PCDH9: variants seen among roughly 807,000 people sequenced by gnomAD.
PCDH9 encodes protocadherin-9.
A neutral mutation model predicts 70.6 loss-of-function variants in PCDH9; 24 were observed. The observed-to-expected ratio is 0.34, with a 90% CI of 0.25 to 0.48. The LOEUF is 0.48. Ranked by LOEUF, PCDH9 falls within the 20% of genes least tolerant of loss-of-function variation. PCDH9 has a pLI of 0.99. For synonymous variants in PCDH9, 562 were observed against 558.5 expected (o/e 1.01, Z -0.09); for missense variants, 1,281 against 1,503.6 (o/e 0.85, Z 2.45).
Position 66,425,840 on chromosome 13 carries a change from A to G in PCDH9, c.3341-120812T>C, listed in dbSNP as rs578114713. Among the ~76,000 whole-genome samples, 7 of 151,832 alleles carry G rather than the reference A, an allele frequency of 4.6e-5. No homozygotes were observed. The South Asian group carries it at 1.4e-3, about 31-fold the overall frequency. On this transcript the variant is annotated intron_variant, in intron 4 of 4. Coordinates refer to ENST00000377865, the MANE Select transcript of PCDH9 (RefSeq NM_203487.3). ...GTCAGTGGTTTACCAGATTGGGGAC[A>G]AACTGTCCTGAGAAAAGTCTAGTAA...
At chr13:66,616,659 G>A (rs570347367) in intron 4 of PCDH9, among the ~76,000 whole-genome samples, 1 of 152,044 alleles carries the variant, frequency 6.6e-6, no homozygotes, top group South Asian at 2.1e-4. Flanking sequence ...GGAATAAATA[G>A]GATGACTATC....
chr13:66,346,214 G>A (rs1457494353), intron 4 of PCDH9, among the ~76,000 whole-genome samples: 1 of 151,934 alleles, frequency 6.6e-6, no homozygotes, highest in African/African-American at 2.4e-5. Context: ...CTTGAAGTAG[G>A]AACAAAACAA....
intron 4 of PCDH9, among the ~76,000 whole-genome samples, chr13:66,582,950 A>G (rs182144268): frequency 6.6e-6 from 1 of 152,230 alleles, no homozygotes; most frequent in East Asian, 1.9e-4. Flanking sequence ...CCACCCAAAC[A>G]CATGATTATC....
intron 2 of PCDH9, among the ~76,000 whole-genome samples, chr13:66,928,213 A>T (rs1487357877): frequency 6.6e-6 from 1 of 152,050 alleles, no homozygotes. Flanking sequence ...TTTAATGTAA[A>T]ATATGAAAGA....
At chr13:66,836,310 T>A (rs1160184371) in intron 3 of PCDH9, among the ~76,000 whole-genome samples, 1 of 152,184 alleles carries the variant, frequency 6.6e-6, no homozygotes, top group Non-Finnish European at 1.5e-5. Flanking sequence ...GATTCAATAA[T>A]CTTTATGTTA....
At chr13:66,976,907 T>TA (rs1265470686) in intron 2 of PCDH9, among the ~76,000 whole-genome samples, 5 of 152,152 alleles carry the variant, frequency 3.3e-5, no homozygotes, top group South Asian at 2.1e-4. Context: ...AGGGTAAAGA[T>TA]AAAATCATAA....
At position 66,825,429 on chromosome 13, in the gene PCDH9, C is replaced by T. The variant is rs370739049; in HGVS notation, c.3138+78075G>A. Among the ~76,000 whole-genome samples, 147 of 147,930 alleles carry T rather than the reference C, an allele frequency of 9.9e-4. 1 individual carries two copies. Among genetic ancestry groups the T allele is most frequent in the African/African-American group, 3.6e-3 (143 of 40,084 alleles). ...TCGACTCACTGCAAGCTCCGCCTCC[C>T]GGGTTCACGCCATTCTCCTGCCTCA... On this transcript the variant is annotated intron_variant, in intron 3 of 4. Coordinates refer to ENST00000377865, the MANE Select transcript of PCDH9 (RefSeq NM_203487.3).
chr13:66,708,050 ATTTTT>A (rs1049241867), intron 3 of PCDH9, among the ~76,000 whole-genome samples: 27 of 151,708 alleles, frequency 1.8e-4, no homozygotes, highest in South Asian at 4.1e-4. Flanking sequence ...ATTTTATTTT[ATTTTT>A]TTTTTATTTT....
intron 4 of PCDH9, among the ~76,000 whole-genome samples, chr13:66,534,574 C>A (rs768876412): frequency 1.3e-5 from 2 of 152,096 alleles, no homozygotes; most frequent in Non-Finnish European, 2.9e-5. Flanking sequence ...TTCCACCACA[C>A]TGGGGGCTAG....
At chr13:66,396,475 T>G (rs1166561434) in intron 4 of PCDH9, among the ~76,000 whole-genome samples, 1 of 152,200 alleles carries the variant, frequency 6.6e-6, no homozygotes, top group Non-Finnish European at 1.5e-5. Context: ...CCAATGTCAT[T>G]CGAACACTAA....
intron 3 of PCDH9, among the ~76,000 whole-genome samples, chr13:66,732,531 G>A (rs1225687408): frequency 6.6e-6 from 1 of 151,918 alleles, no homozygotes; most frequent in African/African-American, 2.4e-5. Flanking sequence ...ACCCCAAAGA[G>A]AATCTAATTT....
At chr13:66,882,599 C>T (rs2081939703) in intron 3 of PCDH9, among the ~76,000 whole-genome samples, 1 of 152,026 alleles carries the variant, frequency 6.6e-6, no homozygotes, top group African/African-American at 2.4e-5. Context: ...GTATAATTTA[C>T]CCTCAATCAG....
chr13:66,737,202 T>TCTTC (rs2079163810), intron 3 of PCDH9, among the ~76,000 whole-genome samples: 1 of 6,684 alleles, frequency 1.5e-4, no homozygotes, highest in African/African-American at 1.5e-4. Context: ...ATTTGTTCTC[T>TCTTC]ATTTCTATTT....
intron 4 of PCDH9, among the ~76,000 whole-genome samples, chr13:66,486,944 A>G (rs1296323750): frequency 6.6e-6 from 1 of 152,230 alleles, no homozygotes; most frequent in Non-Finnish European, 1.5e-5. Flanking sequence ...GCCACTAAAT[A>G]TACTTCATTA....
intron 3 of PCDH9, among the ~76,000 whole-genome samples, chr13:66,820,615 T>C (rs1228393659): frequency 1.3e-5 from 2 of 152,048 alleles, no homozygotes; most frequent in Non-Finnish European, 2.9e-5. Flanking sequence ...CCATCAATGA[T>C]AAACTAGATA....
At chr13:66,834,766 T>C (rs990072842) in intron 3 of PCDH9, among the ~76,000 whole-genome samples, 5 of 152,190 alleles carry the variant, frequency 3.3e-5, no homozygotes, top group African/African-American at 1.2e-4. Context: ...TTTACTCAAA[T>C]GCCACTAATA....
At chr13:66,961,560 G>C (rs1375008160) in intron 2 of PCDH9, among the ~76,000 whole-genome samples, 1 of 152,190 alleles carries the variant, frequency 6.6e-6, no homozygotes, top group East Asian at 1.9e-4. Flanking sequence ...TTGGAAGACT[G>C]AGGTGAGGGG....
Position 66,834,144 on chromosome 13 carries a change from A to T in PCDH9, c.3138+69360T>A, listed in dbSNP as rs918587194. Among the ~76,000 whole-genome samples the T allele has an allele frequency of 1.2e-3, 174 of 147,706 alleles. 1 individual carries two copies. Among genetic ancestry groups the T allele is most frequent in the Non-Finnish European group, 1.7e-3 (117 of 67,298 alleles). On this transcript the variant is annotated intron_variant, in intron 3 of 4. Coordinates refer to ENST00000377865, the MANE Select transcript of PCDH9 (RefSeq NM_203487.3). ...TATTTGTTATCCTGAATATAATTTT[A>T]TATACCTATGGTCTTTTTTTTTTTT...
chr13:66,902,571 G>A (rs182338889), intron 3 of PCDH9, among the ~76,000 whole-genome samples: 1 of 151,204 alleles, frequency 6.6e-6, no homozygotes, highest in Admixed American at 6.6e-5. Flanking sequence ...TACACACACA[G>A]GCACACACAC....
Sources: allele counts gnomAD v4.1 joint callset (sites outside exome capture counted in the v4.1 genomes callset), GRCh38; gene constraint gnomAD v4.1.1; transcripts MANE v1.5; gene names NCBI Gene and HGNC (gene_info 2026-07-23, HGNC 2026-07-21).